Variants in DMD observed in about 807,000 individuals in gnomAD.
DMD encodes mutant dystrophin.
A neutral mutation model predicts 330.1 loss-of-function variants in DMD; 63 were observed. The observed-to-expected ratio is 0.19, with a 90% CI of 0.16 to 0.24. The LOEUF (loss-of-function observed/expected upper bound fraction) is 0.24, where lower values mean the gene tolerates loss of function less well. Among genes scored for constraint, DMD ranks in the 10% least tolerant of loss-of-function variants. DMD has a pLI of 1.00. For missense variants in DMD, 3,344 were observed against 2,684.1 expected (o/e 1.25, Z -5.43); for synonymous variants, 1,223 against 959.8 (o/e 1.27, Z -5.07).
intron 1 of DMD, among the ~76,000 whole-genome samples, chrX:33,251,123 T>C (rs1005791452): frequency 9.0e-5 from 10 of 111,583 alleles, no homozygotes; most frequent in Non-Finnish European, 1.5e-4. Flanking sequence ...GTGTGCCCTC[T>C]TGAATGTATT....
chrX:31,493,506 A>G (rs747193055), intron 57 of DMD, among the ~76,000 whole-genome samples: 29 of 111,933 alleles, frequency 2.6e-4, no homozygotes, highest in South Asian at 1.5e-3. Flanking sequence ...GAGGACCAAC[A>G]TATTTAAAGC....
intron 60 of DMD, among the ~76,000 whole-genome samples, chrX:31,414,140 A>G (rs1321624324): frequency 1.8e-5 from 2 of 110,859 alleles, no homozygotes; most frequent in Non-Finnish European, 3.8e-5. Context: ...CAGCCTCCCA[A>G]GTAGCTGGGA....
intron 17 of DMD, among the ~76,000 whole-genome samples, chrX:32,539,282 A>G (rs780813625): frequency 9.1e-6 from 1 of 109,983 alleles, no homozygotes; most frequent in Admixed American, 9.8e-5. Context: ...CAACTATAAC[A>G]CTAGAATGGA....
chrX:32,058,063 C>T (rs185517659), intron 44 of DMD, among the ~76,000 whole-genome samples: 7 of 111,028 alleles, frequency 6.3e-5, no homozygotes, highest in Admixed American at 3.8e-4. Flanking sequence ...TTAAACTATA[C>T]ATAAAAATCA....
At chrX:32,845,040 A>G (rs1046837534) in intron 3 of DMD, among the ~76,000 whole-genome samples, 180 bp from the exon 4 acceptor site, 2 of 112,234 alleles carry the variant, frequency 1.8e-5, no homozygotes, top group African/African-American at 6.5e-5. Flanking sequence ...GTACGTTTTT[A>G]GCATAAACCA....
At chrX:33,070,848 A>G (rs978371546) in intron 1 of DMD, among the ~76,000 whole-genome samples, 6 of 108,495 alleles carry the variant, frequency 5.5e-5, no homozygotes, top group African/African-American at 2.0e-4. Flanking sequence ...GAAATGGTGA[A>G]AGCAAATCTA....
intron 21 of DMD, among the ~76,000 whole-genome samples, chrX:32,482,758 T>A (rs2042025044): frequency 9.0e-6 from 1 of 111,456 alleles, no homozygotes; most frequent in Admixed American, 9.6e-5. Flanking sequence ...TATAAATTAG[T>A]TATGCATAGA....
chrX:31,345,052 C>T (rs1602025649), intron 61 of DMD, among the ~76,000 whole-genome samples: 1 of 111,690 alleles, frequency 9.0e-6, no homozygotes, highest in Non-Finnish European at 1.9e-5. Context: ...TGTAAAGAAA[C>T]AATCCATCCT....
intron 30 of DMD, among the ~76,000 whole-genome samples, chrX:32,396,612 G>GT (rs2098046080): frequency 9.3e-6 from 1 of 107,746 alleles, no homozygotes; most frequent in Non-Finnish European, 2.0e-5. Flanking sequence ...TTATCCTTTT[G>GT]CTTTTTTTTG....
At chrX:33,212,781 T>C (rs755528377), upstream of DMD, among the ~76,000 whole-genome samples, 17 of 112,032 alleles carry the variant, frequency 1.5e-4, no homozygotes, top group East Asian at 4.8e-3. Context: ...AACATTCTTT[T>C]CCCTAGGTCA....
chrX:31,244,539 ACTTTT>A (rs1257760642), intron 63 of DMD, among the ~76,000 whole-genome samples: 2 of 111,942 alleles, frequency 1.8e-5, no homozygotes, highest in Non-Finnish European at 3.8e-5. Context: ...CACGAATTTG[ACTTTT>A]CTTTGTCACA....
Position 32,516,640 on chromosome X carries a change from G to A in DMD, c.2292+1368C>T, listed in dbSNP as rs189958545. On this transcript the variant is annotated intron_variant, in intron 18 of 78. Transcript: ENST00000357033. ...ATCATTTTTAATTAGCTAATAAAAT[G>A]CTAAAGGTGATTCATACTTTCAGTG... 6.3e-5 allele frequency: 7 copies of A among 111,531 alleles called. No homozygotes were observed. In the Admixed American group the frequency reaches 6.7e-4, roughly 11 times the overall value. The allele number at this position is 111,531 out of a possible 1,213,427, so 9.2% of individuals were successfully genotyped here.
chrX:32,871,494 A>G (rs1569537168), intron 2 of DMD, among the ~76,000 whole-genome samples: 1 of 111,214 alleles, frequency 9.0e-6, no homozygotes, highest in Non-Finnish European at 1.9e-5. Flanking sequence ...ACAAGGAAAG[A>G]GACATCAAGG....
chrX:32,485,734 C>CTTTT lies in DMD; in HGVS notation c.2623-639_2623-636dup, dbSNP rs5902034. Among the ~76,000 whole-genome samples, 187 of 36,147 alleles carry CTTTT rather than the reference C, an allele frequency of 5.2e-3. 21 individuals are homozygous for CTTTT. The highest frequency in any genetic ancestry group is 0.019 in the African/African-American group (175 of 9,349). 31.4% of individuals were successfully genotyped at this position (36,147 alleles called of 115,157 possible). The stretch of plus-strand genomic sequence containing the variant: ...CTCCTGACCAAACAGGCAACCACTG[C>CTTTT]TTTTTTTTTTTTTTTTTTTTTTTTT... On this transcript the variant is annotated intron_variant, in intron 20 of 78. Coordinates refer to ENST00000357033, the MANE Select transcript of DMD (RefSeq NM_004006.3).
In DMD at chrX:32,715,607, C is replaced by G. The variant is rs761589259; in HGVS notation, c.650-16314G>C. Among the ~76,000 whole-genome samples the G allele has an allele frequency of 2.7e-5, 3 of 109,409 alleles. No individual in the cohort carries two copies. The South Asian group carries it at 1.2e-3, about 45-fold the overall frequency. On this transcript the variant is annotated intron_variant, in intron 7 of 78. Coordinates refer to ENST00000357033, the MANE Select transcript of DMD (RefSeq NM_004006.3). Reference sequence around the variant, plus strand: ...CACCTGAGGTCAGGAGTTTGAGACCCTGGCCAACATGGTGAAACCCCATCT... The same window carrying G: ...CACCTGAGGTCAGGAGTTTGAGACCGTGGCCAACATGGTGAAACCCCATCT...
Position 31,492,958 on chromosome X carries a change from G to T in DMD, c.8547+3830C>A, listed in dbSNP as rs2069453285. ...GTTGATGGGTGTGGCAAACCACCAT[G>T]GCACATGTATACCTATGTAACAAAC... On this transcript the variant is annotated intron_variant, in intron 57 of 78. Coordinates refer to ENST00000357033, the MANE Select transcript of DMD (RefSeq NM_004006.3). Among the ~76,000 whole-genome samples the T allele has an allele frequency of 2.7e-5, 3 of 110,953 alleles. No homozygotes were observed. In the Admixed American group the frequency reaches 2.9e-4, roughly 11 times the overall value.
At chrX:32,833,577 G>T (rs1431535109) in intron 4 of DMD, among the ~76,000 whole-genome samples, 5 of 106,904 alleles carry the variant, frequency 4.7e-5, no homozygotes, top group Non-Finnish European at 9.7e-5. Flanking sequence ...TATTTAATTT[G>T]AATTTTTGTA....
At chrX:32,961,311 T>A (rs1052332454) in intron 2 of DMD, among the ~76,000 whole-genome samples, 1 of 110,811 alleles carries the variant, frequency 9.0e-6, no homozygotes, top group Admixed American at 9.7e-5. Context: ...CACTTAGAAG[T>A]TTTTTATGGT....
At chrX:32,530,160 C>T (rs1240384521) in intron 17 of DMD, among the ~76,000 whole-genome samples, 1 of 112,242 alleles carries the variant, frequency 8.9e-6, no homozygotes, top group Non-Finnish European at 1.9e-5. Context: ...TGTACATCTT[C>T]TTTATTATCA....
Sources: gnomAD v4.1 joint callset for allele counts (sites outside exome capture counted in the v4.1 genomes callset) on GRCh38, gnomAD v4.1.1 for gene constraint, MANE v1.5 for transcripts, NCBI Gene and HGNC (gene_info 2026-07-23, HGNC 2026-07-21) for gene names.